PPFIBP2: variants seen among roughly 807,000 people sequenced by gnomAD.
PPFIBP2 encodes the protein PPFIB scaffold protein 2.
Under a neutral mutation model 118.3 loss-of-function variants are expected in PPFIBP2, and 118 were observed. The observed-to-expected ratio is 1.00, with a 90% confidence interval of 0.86 to 1.16. The LOEUF is 1.16. Ranked by LOEUF, PPFIBP2 falls within the 50% of genes most tolerant of loss-of-function variation. The pLI, the probability that PPFIBP2 is intolerant of heterozygous loss-of-function variation, is 0.00. For synonymous variants in PPFIBP2, 414 were observed against 397.4 expected, an observed-to-expected ratio of 1.04 and a Z score of -0.50; for missense variants, 1,195 against 1,073.1, an observed-to-expected ratio of 1.11 and a Z score of -1.59.
chr11:7,666,175 C>T, the PPFIBP2 span: 2 of 597,868 alleles, frequency 3.3e-6, no homozygotes, highest in Non-Finnish European at 6.0e-6. Flanking sequence ...GGTGGGTGTT[C>T]ACAGTGGACA....
chr11:7,538,249 G>A (rs1435635095), intron 1 of PPFIBP2: 1 of 152,422 alleles, frequency 6.6e-6, no homozygotes, highest in East Asian at 1.9e-4. Context: ...CTTTGGGGTG[G>A]TGTTTCTCTT....
rs747199018 is a variant in PPFIBP2, at chr11:7,653,243, C to T, written c.*25C>T. ...ATGCCCTTGTCACCTGCCCTCTGTGCACCCTGAGAGCTCACAGTAACACTG... is the reference window on the plus strand; with the variant it reads ...ATGCCCTTGTCACCTGCCCTCTGTGTACCCTGAGAGCTCACAGTAACACTG... On this transcript the variant is annotated 3_prime_UTR_variant, in exon 24 of 24. Coordinates refer to ENST00000299492, the MANE Select transcript of PPFIBP2 (RefSeq NM_003621.5). 9.9e-6 allele frequency: 16 copies of T among 1,613,386 alleles called. No individual in the cohort carries two copies. The highest frequency in any genetic ancestry group is 2.2e-5 in the East Asian group (1 of 44,890).
In PPFIBP2 at chr11:7,583,897, A is replaced by G. The variant is rs920762024; in HGVS notation, c.280-9235A>G. Among the ~76,000 whole-genome samples the G allele has an allele frequency of 4.8e-4, 73 of 152,214 alleles. 1 individual carries two copies. The highest frequency in any genetic ancestry group is 1.8e-3 in the African/African-American group (73 of 41,456). On this transcript the variant is annotated intron_variant, in intron 3 of 23. Transcript: ENST00000299492. ...GTCTGTATTGGGAAGGCTATTTCCA[A>G]AGCTGCTGTTCTCACATTCTCCTAG...
Position 7,621,047 on chromosome 11 carries a change from C to CT in PPFIBP2, c.711+22dup. 6.4e-7 allele frequency: 1 copy of CT among 1,554,998 alleles called. No individual in the cohort carries two copies. Among genetic ancestry groups the CT allele is most frequent in the Non-Finnish European group, 8.9e-7 (1 of 1,126,274 alleles). ...ACTAAGGTAAACGGCACTCCTGATG[C>CT]TTATGGAGAGAGTATGAGGGCCTTG... is the stretch of plus-strand genomic sequence containing the variant. On this transcript the variant is annotated intron_variant, in intron 7 of 23. Coordinates refer to ENST00000299492, the MANE Select transcript of PPFIBP2 (RefSeq NM_003621.5).
At chr11:7,591,300 G>T (rs942443714) in intron 3 of PPFIBP2, among the ~76,000 whole-genome samples, 4 of 151,846 alleles carry the variant, frequency 2.6e-5, no homozygotes, top group African/African-American at 9.7e-5. Context: ...ATGGGCGGCT[G>T]CCAGTGCTAG....
At chr11:7,548,077 A>G (rs1852527736) in intron 1 of PPFIBP2, among the ~76,000 whole-genome samples, 1 of 152,238 alleles carries the variant, frequency 6.6e-6, no homozygotes, top group Non-Finnish European at 1.5e-5. Context: ...TGCTCTCTAC[A>G]TAATTTTAAT....
At chr11:7,577,719 GCC>G (rs1027592277) in intron 3 of PPFIBP2, 2 of 455,306 alleles carry the variant, frequency 4.4e-6, no homozygotes, top group African/African-American at 2.0e-5. Context: ...GGGTGTGTGT[GCC>G]TGTGTGTGGT....
chr11:7,569,143 C>G (rs1266749421), intron 3 of PPFIBP2: 1 of 152,214 alleles, frequency 6.6e-6, no homozygotes, highest in Non-Finnish European at 1.5e-5. Context: ...CTCTCTATGT[C>G]TTACATGAAA....
chr11:7,656,362 G>A (rs373898935), downstream of PPFIBP2, among the ~76,000 whole-genome samples: 46 of 152,266 alleles, frequency 3.0e-4, no homozygotes, highest in Admixed American at 7.8e-4. Flanking sequence ...AGGGACACAC[G>A]ACTCTCCTTG....
chr11:7,649,136 T>C lies in PPFIBP2; in HGVS notation c.1910-11T>C. The C allele has an allele frequency of 6.2e-7, 1 of 1,611,780 alleles. No homozygotes were observed. Among genetic ancestry groups the C allele is most frequent in the Non-Finnish European group, 8.5e-7 (1 of 1,178,696 alleles). The stretch of plus-strand genomic sequence containing the variant: ...TGAATCCTGACACATCTGGGGTTTT[T>C]GTATTTGTAGGGTGGCTTGATGATA... On this transcript the variant is annotated splice_polypyrimidine_tract_variant and intron_variant, in intron 19 of 23. Coordinates refer to ENST00000299492, the MANE Select transcript of PPFIBP2 (RefSeq NM_003621.5).
chr11:7,651,955 G>T, intron 23 of PPFIBP2, 111 bp downstream of exon 23: 1 of 1,088,036 alleles, frequency 9.2e-7, no homozygotes, highest in Admixed American at 2.4e-5. Flanking sequence ...CCTGGACAAA[G>T]AGGATCTTTC....
intron 11 of PPFIBP2, 97 bp from the exon 12 acceptor site, chr11:7,632,770 T>C: frequency 1.1e-6 from 1 of 950,220 alleles, no homozygotes; most frequent in Admixed American, 1.9e-5. Flanking sequence ...AGGGAGGAAA[T>C]GTCTCCCTAA....
At chr11:7,620,605 C>T (rs1453280400) in intron 6 of PPFIBP2, among the ~76,000 whole-genome samples, 2 of 152,202 alleles carry the variant, frequency 1.3e-5, no homozygotes, top group Admixed American at 1.3e-4. Flanking sequence ...CTCTATTCTT[C>T]CCACTCCGAA....
In PPFIBP2 at chr11:7,560,009, G is replaced by A. The variant is rs541801516; in HGVS notation, c.65-5544G>A. Among the ~76,000 whole-genome samples the A allele has an allele frequency of 7.9e-5, 12 of 152,310 alleles. No homozygotes were observed. In the South Asian group the frequency reaches 2.3e-3, roughly 29 times the overall value. On this transcript the variant is annotated intron_variant, in intron 2 of 23. Coordinates refer to ENST00000299492, the MANE Select transcript of PPFIBP2 (RefSeq NM_003621.5). ...AGGGGGACTCCTGGCAGTTGAGTAT[G>A]TCCTGTTTCCAGAAGGTTCCCCCTT...
intron 12 of PPFIBP2, among the ~76,000 whole-genome samples, chr11:7,634,036 C>A (rs888978085): frequency 6.6e-6 from 1 of 152,074 alleles, no homozygotes; most frequent in East Asian, 1.9e-4. Context: ...AGGGTCCTAG[C>A]AAGTGATGTT....
At chr11:7,635,482 T>G (rs1037709690) in intron 13 of PPFIBP2, 70 bp from the exon 14 acceptor site, 5 of 1,436,064 alleles carry the variant, frequency 3.5e-6, no homozygotes, top group Middle Eastern at 1.8e-4. Flanking sequence ...TAGTCCTGAG[T>G]TGTTGCTGTT....
chr11:7,597,616 A>C lies in PPFIBP2; in HGVS notation c.429A>C (p.Glu143Asp). Residue 143 changes from glutamate (E) to aspartate (D), a missense_variant, in exon 5 of 24, where the codon GAA (glutamate) becomes GAC (aspartate). Glu to Asp is a conservative substitution (Grantham distance 45, BLOSUM62 2). Coordinates refer to ENST00000299492, the MANE Select transcript of PPFIBP2 (RefSeq NM_003621.5). ...EAQGEKIRDL[E>D]VCLEGHQVKL... ...AGGGAGAAAAGATTCGAGACCTGGA[A>C]GTGTGTCTGGAAGGACACCAGGTGA... is the stretch of plus-strand genomic sequence containing the variant. 1 of 1,614,116 alleles carries C rather than the reference A, an allele frequency of 6.2e-7. No homozygotes were observed. The highest frequency in any genetic ancestry group is 8.5e-7 in the Non-Finnish European group (1 of 1,180,016).
At position 7,597,610 on chromosome 11, in the gene PPFIBP2, C is replaced by T. The variant is rs778704127; in HGVS notation, c.423C>T (p.Asp141=). 14 of 1,614,052 alleles carry T rather than the reference C, an allele frequency of 8.7e-6. No individual in the cohort carries two copies. In the South Asian group the frequency reaches 1.5e-4, roughly 18 times the overall value. ...AAGCCCAGGGAGAAAAGATTCGAGA[C>T]CTGGAAGTGTGTCTGGAAGGACACC... ...QVEAQGEKIR[D]LEVCLEGHQV... Residue 141 remains aspartate (D), a synonymous_variant, in exon 5 of 24, where the codon GAC becomes GAT. Transcript: ENST00000299492.
downstream of PPFIBP2, among the ~76,000 whole-genome samples, chr11:7,660,710 T>C (rs1426485148): frequency 2.0e-5 from 3 of 151,084 alleles, no homozygotes; most frequent in African/African-American, 4.9e-5. Context: ...TGGAATAGTT[T>C]CAGAAGGAAT....
Sources: gnomAD v4.1 joint callset for allele counts (sites outside exome capture counted in the v4.1 genomes callset) on GRCh38, gnomAD v4.1.1 for gene constraint, MANE v1.5 for transcripts, NCBI Gene and HGNC (gene_info 2026-07-23, HGNC 2026-07-21) for gene names.